The following NBEA variants were observed in gnomAD, a reference collection of about 807,000 sequenced individuals.
NBEA encodes lysosomal-trafficking regulator 2.
In NBEA, 44 loss-of-function variants were observed where a neutral mutation model predicts 343.4. The ratio of observed to expected loss-of-function variants is 0.13; its 90% CI spans 0.10 to 0.16. The LOEUF (loss-of-function observed/expected upper bound fraction) is 0.16. Ranked by LOEUF, NBEA falls within the 10% of genes least tolerant of loss-of-function variation. The pLI is 1.00. For missense variants in NBEA, 2,555 were observed against 3,631.3 expected (o/e 0.70, Z 7.62); for synonymous variants, 1,175 against 1,238.7 (o/e 0.95, Z 1.08).
intron 47 of NBEA, among the ~76,000 whole-genome samples, chr13:35,605,552 T>C (rs974758717): frequency 6.6e-6 from 1 of 152,162 alleles, no homozygotes; most frequent in Non-Finnish European, 1.5e-5. Flanking sequence ...TATCTTGATA[T>C]TTGAAAAAAG....
chr13:35,355,157 T>C (rs1001944889), intron 38 of NBEA, among the ~76,000 whole-genome samples: 3 of 152,106 alleles, frequency 2.0e-5, no homozygotes, highest in Admixed American at 2.0e-4. Flanking sequence ...ATCACCTTAG[T>C]CCAAGCCACA....
intron 55 of NBEA, among the ~76,000 whole-genome samples, chr13:35,661,662 C>A (rs1026409281): frequency 1.3e-5 from 2 of 152,130 alleles, no homozygotes; most frequent in Non-Finnish European, 2.9e-5. Context: ...TGACCGATAC[C>A]GCTCTTCTCA....
At chr13:35,182,330 G>T in intron 28 of NBEA, 30 bp from the exon 29 acceptor site, 1 of 1,579,220 alleles carries the variant, frequency 6.3e-7, no homozygotes, top group Admixed American at 2.0e-5. Flanking sequence ...AAAAGTTTGA[G>T]TGTTAAAACT....
intron 25 of NBEA, among the ~76,000 whole-genome samples, chr13:35,169,249 A>G (rs920823554): frequency 3.3e-5 from 5 of 151,648 alleles, no homozygotes; most frequent in Non-Finnish European, 5.9e-5. Context: ...TCATATGTAC[A>G]ATCAGATTTT....
At chr13:35,122,339 G>T (rs1283485414) in intron 16 of NBEA, among the ~76,000 whole-genome samples, 2 of 152,094 alleles carry the variant, frequency 1.3e-5, no homozygotes, top group Non-Finnish European at 2.9e-5. Flanking sequence ...AACAATGACA[G>T]ACTGGATTAA....
At chr13:35,395,543 C>T (rs2042704025) in intron 38 of NBEA, among the ~76,000 whole-genome samples, 1 of 152,080 alleles carries the variant, frequency 6.6e-6, no homozygotes, top group Non-Finnish European at 1.5e-5. Flanking sequence ...TACCCAGTCT[C>T]AGGTATTTCT....
chr13:35,441,938 A>G (rs748463695), intron 39 of NBEA, among the ~76,000 whole-genome samples: 1 of 150,682 alleles, frequency 6.6e-6, no homozygotes, highest in Non-Finnish European at 1.5e-5. Flanking sequence ...CTTTTTTTTC[A>G]TTCTAATAGT....
intron 38 of NBEA, among the ~76,000 whole-genome samples, chr13:35,359,591 T>A (rs935511731): frequency 9.9e-5 from 15 of 152,134 alleles, no homozygotes; most frequent in African/African-American, 3.6e-4. Context: ...TAACATACTT[T>A]AGCATTTGAA....
At chr13:35,057,829 A>T (rs1346816084) in intron 7 of NBEA, among the ~76,000 whole-genome samples, 2 of 152,172 alleles carry the variant, frequency 1.3e-5, no homozygotes, top group African/African-American at 2.4e-5. Flanking sequence ...ACATATATAC[A>T]TTCTTTATGC....
chr13:35,573,223 A>G (rs2080531010), intron 45 of NBEA, among the ~76,000 whole-genome samples: 1 of 152,178 alleles, frequency 6.6e-6, no homozygotes, highest in African/African-American at 2.4e-5. Flanking sequence ...TGAGATATTC[A>G]TTTATTTAAA....
Position 35,318,764 on chromosome 13 carries a change from C to T in NBEA, c.5903+9172C>T, listed in dbSNP as rs549152749. 5.1e-4 allele frequency among the ~76,000 whole-genome samples: 78 copies of T among 151,918 alleles called. 1 individual carries two copies. In the South Asian group the frequency reaches 0.013, roughly 25 times the overall value. On this transcript the variant is annotated intron_variant, in intron 36 of 58. Transcript: ENST00000379939. ...TTTTGTTGTTGTTGGTAGGCTATTA[C>T]GGCTTCAATTTCAGAACTTGTTATT...
intron 48 of NBEA, among the ~76,000 whole-genome samples, chr13:35,627,051 C>G (rs73503151): frequency 0.1 from 15,505 of 152,126 alleles, 1,206 homozygotes; most frequent in African/African-American, 0.21. Flanking sequence ...ATTTTATATA[C>G]TTAAAAAATG....
chr13:35,339,976 A>G (rs536827014), intron 36 of NBEA, among the ~76,000 whole-genome samples: 1 of 152,258 alleles, frequency 6.6e-6, no homozygotes, highest in African/African-American at 2.4e-5. Flanking sequence ...TTAGAAAATA[A>G]TGAGTGTTAG....
intron 49 of NBEA, among the ~76,000 whole-genome samples, chr13:35,643,815 C>T (rs2084085289): frequency 6.6e-6 from 1 of 152,134 alleles, no homozygotes; most frequent in Admixed American, 6.5e-5. Flanking sequence ...TTCATTGTAA[C>T]AATTCATGGG....
At chr13:35,630,144 G>GA (rs2083390251) in intron 49 of NBEA, among the ~76,000 whole-genome samples, 1 of 152,082 alleles carries the variant, frequency 6.6e-6, no homozygotes, top group Non-Finnish European at 1.5e-5. Flanking sequence ...AAAATTGACA[G>GA]AAAAATAGCA....
chr13:35,069,566 A>T (rs2063786405), intron 8 of NBEA, among the ~76,000 whole-genome samples: 1 of 152,148 alleles, frequency 6.6e-6, no homozygotes, highest in African/African-American at 2.4e-5. Context: ...AATACTTTTT[A>T]AAGTGTTAAC....
chr13:35,651,782 TTC>T lies in NBEA; in HGVS notation c.7964-17_7964-16del, dbSNP rs370272464. 8.5e-4 allele frequency: 1,206 copies of T among 1,413,660 alleles called. 14 individuals carry two copies. In the Middle Eastern group the frequency reaches 9.8e-3, roughly 11 times the overall value. The allele number at this position is 1,413,660 out of a possible 1,614,324, so 87.6% of individuals were successfully genotyped here. On this transcript the variant is annotated intron_variant, in intron 52 of 58. Transcript: ENST00000379939. ...CTTTCTGAGAATTTTATGTTAGTTT[TTC>T]TCTCTTTTTTTAATCTTTAGGCCTC...
At chr13:35,021,250 C>G (rs1247131263) in intron 1 of NBEA, among the ~76,000 whole-genome samples, 1 of 152,128 alleles carries the variant, frequency 6.6e-6, no homozygotes. Flanking sequence ...CCTGTGTCTG[C>G]TTTCAAGTTA....
At chr13:35,475,002 A>C in intron 41 of NBEA, 1 of 1,545,484 alleles carries the variant, frequency 6.5e-7, no homozygotes, top group Non-Finnish European at 8.8e-7. Context: ...ACAGAAGTTT[A>C]CACTTAATAA....
Sources: allele counts gnomAD v4.1 joint callset (sites outside exome capture counted in the v4.1 genomes callset), GRCh38; gene constraint gnomAD v4.1.1; transcripts MANE v1.5; gene names NCBI Gene and HGNC (gene_info 2026-07-23, HGNC 2026-07-21).